The following FOXN3 variants were observed in gnomAD, a reference collection of about 807,000 sequenced individuals.
FOXN3 encodes the protein forkhead box protein N3.
In FOXN3, 7 loss-of-function variants were observed where a neutral mutation model predicts 38.4. The ratio of observed to expected loss-of-function variants is 0.18; its 90% confidence interval spans 0.10 to 0.34. FOXN3 has a LOEUF of 0.34. Among genes scored for constraint, FOXN3 ranks in the 10% least tolerant of loss-of-function variants. FOXN3 has a pLI of 1.00. For synonymous variants in FOXN3, 230 were observed against 242.2 expected, an observed-to-expected ratio of 0.95 and a Z score of 0.47; for missense variants, 456 against 613.4, an observed-to-expected ratio of 0.74 and a Z score of 2.71.
chr14:89,334,813 G>A (rs1485460995), intron 3 of FOXN3, among the ~76,000 whole-genome samples: 2 of 151,926 alleles, frequency 1.3e-5, no homozygotes, highest in African/African-American at 2.4e-5. Context: ...CGTCACCCAG[G>A]CTGGAGTGCA....
intron 1 of FOXN3, among the ~76,000 whole-genome samples, chr14:89,604,595 TAGAG>T (rs928998740): frequency 1.3e-5 from 2 of 152,078 alleles, no homozygotes; most frequent in African/African-American, 2.4e-5. Flanking sequence ...AACCTGGAAT[TAGAG>T]AGAAAGAGTA....
intron 1 of FOXN3, among the ~76,000 whole-genome samples, chr14:89,452,798 G>A (rs963320377): frequency 6.6e-6 from 1 of 152,176 alleles, no homozygotes; most frequent in Non-Finnish European, 1.5e-5. Flanking sequence ...CCAAAAACCT[G>A]AACATATAAA....
At chr14:89,393,511 T>C (rs1891015748) in intron 2 of FOXN3, among the ~76,000 whole-genome samples, 1 of 152,200 alleles carries the variant, frequency 6.6e-6, no homozygotes, top group South Asian at 2.1e-4. Context: ...AAAACATTCA[T>C]GGCTGTCTCT....
chr14:89,287,176 CAG>C (rs142522019), intron 3 of FOXN3, among the ~76,000 whole-genome samples: 6,844 of 152,164 alleles, frequency 0.045, 494 homozygotes, highest in African/African-American at 0.15. Context: ...GTTTTTGAGA[CAG>C]AGTCTTGCTC....
At chr14:89,217,432 G>A (rs1298138320) in intron 4 of FOXN3, among the ~76,000 whole-genome samples, 1 of 152,068 alleles carries the variant, frequency 6.6e-6, no homozygotes, top group East Asian at 1.9e-4. Flanking sequence ...GAGCCACCAC[G>A]CCTGGCCTCA....
intron 4 of FOXN3, among the ~76,000 whole-genome samples, chr14:89,272,359 C>T (rs1886174860): frequency 6.6e-6 from 1 of 151,842 alleles, no homozygotes; most frequent in Non-Finnish European, 1.5e-5. Flanking sequence ...TATTAAATGC[C>T]TCTGAACTGT....
At chr14:89,168,986 C>G (rs1373170821) in intron 5 of FOXN3, among the ~76,000 whole-genome samples, 6 of 152,148 alleles carry the variant, frequency 3.9e-5, no homozygotes, top group African/African-American at 1.4e-4. Context: ...TTCAGTAACA[C>G]TAACTTCTAA....
intron 2 of FOXN3, among the ~76,000 whole-genome samples, chr14:89,410,881 AAG>A (rs1555352250): frequency 2.7e-5 from 4 of 150,884 alleles, no homozygotes; most frequent in Non-Finnish European, 5.9e-5. Context: ...CCCAAAAAAA[AAG>A]AGGAAAAAAA....
intron 3 of FOXN3, among the ~76,000 whole-genome samples, chr14:89,325,314 G>GACCACC (rs774094314): frequency 7.9e-5 from 8 of 101,756 alleles, no homozygotes; most frequent in African/African-American, 2.3e-4. Flanking sequence ...CCACCACCAC[G>GACCACC]ACCACCACCA....
intron 1 of FOXN3, among the ~76,000 whole-genome samples, chr14:89,565,093 CAAAAAAAAAAAA>C (rs59821937): frequency 3.8e-5 from 2 of 52,898 alleles, no homozygotes; most frequent in Non-Finnish European, 3.6e-5. Context: ...GAGCTCGTCT[CAAAAAAAAAAAA>C]AAAAAAAAAA....
chr14:89,569,217 A>AT (rs1308480416), intron 1 of FOXN3, among the ~76,000 whole-genome samples: 1 of 151,572 alleles, frequency 6.6e-6, no homozygotes, highest in Non-Finnish European at 1.5e-5. Context: ...AGAAAAAGAA[A>AT]GGTGCCATTT....
intron 4 of FOXN3, among the ~76,000 whole-genome samples, chr14:89,203,097 G>T (rs1254634512): frequency 8.8e-6 from 1 of 113,750 alleles, no homozygotes; most frequent in Non-Finnish European, 1.7e-5. Flanking sequence ...GGGGGGGTGG[G>T]GGGAGGGGGA....
chr14:89,209,007 G>C (rs1050779935), intron 4 of FOXN3, among the ~76,000 whole-genome samples: 1 of 152,066 alleles, frequency 6.6e-6, no homozygotes, highest in Admixed American at 6.5e-5. Context: ...TCCTAACCAC[G>C]CAACGACAAA....
intron 3 of FOXN3, among the ~76,000 whole-genome samples, chr14:89,345,722 G>A (rs961494683): frequency 1.3e-5 from 2 of 151,928 alleles, no homozygotes; most frequent in Non-Finnish European, 2.9e-5. Context: ...GAGAACATAC[G>A]TTTTCCATTG....
At chr14:89,563,432 AG>A (rs1231967030) in intron 1 of FOXN3, among the ~76,000 whole-genome samples, 1 of 152,218 alleles carries the variant, frequency 6.6e-6, no homozygotes, top group East Asian at 1.9e-4. Flanking sequence ...GATGGAAGAC[AG>A]GTCTTGTGGC....
intron 1 of FOXN3, among the ~76,000 whole-genome samples, chr14:89,586,459 T>C (rs1422355929): frequency 3.2e-4 from 49 of 152,152 alleles, no homozygotes; most frequent in Admixed American, 3.2e-3. Flanking sequence ...CGGTCTCCTG[T>C]GCTTACCACA....
intron 3 of FOXN3, among the ~76,000 whole-genome samples, chr14:89,285,533 AAAAG>A (rs1886602487): frequency 6.6e-6 from 1 of 150,672 alleles, no homozygotes; most frequent in African/African-American, 2.5e-5. Flanking sequence ...CAAAAAAAAA[AAAAG>A]AGAGAGAGAA....
chr14:89,547,853 G>C (rs1286621627), intron 1 of FOXN3, among the ~76,000 whole-genome samples: 1 of 152,198 alleles, frequency 6.6e-6, no homozygotes, highest in Non-Finnish European at 1.5e-5. Context: ...TTCTAGCTTA[G>C]TTGAGGGTCT....
intron 1 of FOXN3, among the ~76,000 whole-genome samples, chr14:89,584,347 A>T (rs752245110): frequency 2.6e-5 from 4 of 152,024 alleles, no homozygotes; most frequent in Non-Finnish European, 4.4e-5. Context: ...GTTGCAGTGA[A>T]CCGATATCGC....
Sources: gnomAD v4.1 joint callset for allele counts (sites outside exome capture counted in the v4.1 genomes callset) on GRCh38, gnomAD v4.1.1 for gene constraint, MANE v1.5 for transcripts, NCBI Gene and HGNC (gene_info 2026-07-23, HGNC 2026-07-21) for gene names.